Variants in SDK1 observed in about 807,000 individuals in gnomAD.
SDK1 encodes protein sidekick-1.
SDK1 carries 157 observed loss-of-function variants against 245.5 expected under a neutral mutation model. That is an observed-to-expected ratio of 0.64 (90% CI 0.56 to 0.73). SDK1 has a LOEUF of 0.73. Ranked by LOEUF, SDK1 falls within the 30% of genes least tolerant of loss-of-function variation. The pLI is 0.00. For synonymous variants in SDK1, 1,647 were observed against 1,278.5 expected (o/e 1.29, Z -6.15); for missense variants, 3,583 against 3,002.3 (o/e 1.19, Z -4.52).
chr7:3,821,447 C>T lies in SDK1; in HGVS notation c.714-3C>T. 1 of 1,612,010 alleles carries T rather than the reference C, an allele frequency of 6.2e-7. No homozygotes were observed. The highest frequency in any genetic ancestry group is 8.5e-7 in the Non-Finnish European group (1 of 1,179,252). ...GACACTGTCCTCTTCTTTTCTGAAA[C>T]AGAGCCATCACATTGGAGAATCAGC... On this transcript the variant is annotated splice_region_variant and splice_polypyrimidine_tract_variant and intron_variant, in intron 4 of 44. Coordinates refer to ENST00000404826, the MANE Select transcript of SDK1 (RefSeq NM_152744.4).
At chr7:3,796,971 C>CT (rs911867559) in intron 4 of SDK1, among the ~76,000 whole-genome samples, 23 of 150,878 alleles carry the variant, frequency 1.5e-4, no homozygotes, top group East Asian at 3.9e-4. Context: ...CATATATTTT[C>CT]TTTTTTTTTC....
At chr7:3,672,331 A>G (rs1454731816) in intron 4 of SDK1, among the ~76,000 whole-genome samples, 1 of 151,820 alleles carries the variant, frequency 6.6e-6, no homozygotes. Context: ...CATCTACCCT[A>G]CTGCACCCCC....
At chr7:3,402,156 T>C (rs1778905629) in intron 1 of SDK1, among the ~76,000 whole-genome samples, 1 of 152,164 alleles carries the variant, frequency 6.6e-6, no homozygotes, top group Non-Finnish European at 1.5e-5. Flanking sequence ...CAAAAAGAAC[T>C]TGAGAAAGCT....
chr7:3,904,886 G>A (rs113660263), intron 5 of SDK1, among the ~76,000 whole-genome samples: 1 of 151,768 alleles, frequency 6.6e-6, no homozygotes, highest in East Asian at 1.9e-4. Flanking sequence ...CCAGCTACTC[G>A]GGAGACTGAG....
chr7:3,805,968 C>T (rs1241827469), intron 4 of SDK1, among the ~76,000 whole-genome samples: 7 of 152,154 alleles, frequency 4.6e-5, no homozygotes, highest in Admixed American at 3.3e-4. Context: ...TTTCGTGCTT[C>T]TCTCCTCAGT....
At chr7:3,338,477 C>T (rs1044702178) in intron 1 of SDK1, 1 of 505,998 alleles carries the variant, frequency 2.0e-6, no homozygotes, top group Non-Finnish European at 3.8e-6. Context: ...AAGAAGGAAG[C>T]CAAAGAGAAA....
rs780705049 is a variant in SDK1, at chr7:3,977,491, G to T, written c.1994+2946G>T. On this transcript the variant is annotated intron_variant, in intron 13 of 44. Coordinates refer to ENST00000404826, the MANE Select transcript of SDK1 (RefSeq NM_152744.4). The stretch of plus-strand genomic sequence containing the variant: ...GGTTTCCCCCAGCCCCTGCCTTCAG[G>T]CATTGGAGCCTACGACCCTGGGTTC... 2.6e-4 allele frequency among the ~76,000 whole-genome samples: 40 copies of T among 152,342 alleles called. 1 individual carries two copies. Among genetic ancestry groups the T allele is most frequent in the Non-Finnish European group, 4.7e-4 (32 of 68,034 alleles).
intron 44 of SDK1, among the ~76,000 whole-genome samples, chr7:4,263,563 C>T (rs1231985022): frequency 1.0e-4 from 7 of 67,920 alleles, no homozygotes; most frequent in Non-Finnish European, 1.8e-4. Context: ...GGGGAGGCCG[C>T]GTAGACCTCT....
intron 4 of SDK1, among the ~76,000 whole-genome samples, chr7:3,665,874 G>A (rs997203474): frequency 2.6e-5 from 4 of 152,064 alleles, no homozygotes; most frequent in Non-Finnish European, 4.4e-5. Flanking sequence ...GATTGACTTA[G>A]TGATGAAGAT....
chr7:3,854,798 T>C (rs1342397902), intron 5 of SDK1, among the ~76,000 whole-genome samples: 1 of 152,060 alleles, frequency 6.6e-6, no homozygotes, highest in Non-Finnish European at 1.5e-5. Context: ...ACAAAAAAGA[T>C]AGGTACATAG....
intron 4 of SDK1, among the ~76,000 whole-genome samples, chr7:3,676,056 C>T (rs1346146393): frequency 6.6e-6 from 1 of 152,172 alleles, no homozygotes; most frequent in African/African-American, 2.4e-5. Context: ...GCCACAAACT[C>T]CCAGGCTCAA....
At chr7:3,448,191 T>C (rs1212129354) in intron 1 of SDK1, among the ~76,000 whole-genome samples, 2 of 152,222 alleles carry the variant, frequency 1.3e-5, no homozygotes, top group African/African-American at 2.4e-5. Flanking sequence ...CTAGGTGTTA[T>C]CACTCTTTAA....
chr7:3,883,803 G>T (rs1476991382), intron 5 of SDK1, among the ~76,000 whole-genome samples: 1 of 150,108 alleles, frequency 6.7e-6, no homozygotes, highest in East Asian at 2.0e-4. Context: ...CCTAGTTCTA[G>T]TCTCATCATT....
At position 3,528,605 on chromosome 7, in the gene SDK1, G is replaced by C. The variant is rs980272480; in HGVS notation, c.299-90475G>C. On this transcript the variant is annotated intron_variant, in intron 1 of 44. Coordinates refer to ENST00000404826, the MANE Select transcript of SDK1 (RefSeq NM_152744.4). Reference sequence around the variant, plus strand: ...GGATTGCAAGAGAGATCACGTAGGAGATTCTCATAACAATCTTTGTAAGTG... The same window carrying C: ...GGATTGCAAGAGAGATCACGTAGGACATTCTCATAACAATCTTTGTAAGTG... Among the ~76,000 whole-genome samples the C allele has an allele frequency of 6.6e-5, 10 of 152,234 alleles. No individual in the cohort carries two copies. The East Asian group carries it at 1.9e-3, about 29-fold the overall frequency.
chr7:4,265,659 C>G lies in SDK1; in HGVS notation c.*275C>G. Reference sequence around the variant, plus strand: ...TCACTGGTGCAATGGCTTGGCACCTCCGGGGCCTGGGAGGACCTCAGACCT... The same window carrying G: ...TCACTGGTGCAATGGCTTGGCACCTGCGGGGCCTGGGAGGACCTCAGACCT... On this transcript the variant is annotated 3_prime_UTR_variant, in exon 45 of 45. Coordinates refer to ENST00000404826, the MANE Select transcript of SDK1 (RefSeq NM_152744.4). The G allele has an allele frequency of 8.1e-7, 1 of 1,229,278 alleles. No individual in the cohort carries two copies. Among genetic ancestry groups the G allele is most frequent in the Non-Finnish European group, 1.0e-6 (1 of 988,332 alleles). 76.1% of individuals were successfully genotyped at this position (1,229,278 alleles called of 1,614,324 possible).
intron 5 of SDK1, among the ~76,000 whole-genome samples, chr7:3,898,950 A>G (rs933544968): frequency 1.3e-5 from 2 of 152,248 alleles, no homozygotes; most frequent in African/African-American, 2.4e-5. Flanking sequence ...ACAAATTATC[A>G]TAAATTCTAA....
chr7:3,646,318 A>G (rs1022486595), intron 4 of SDK1, among the ~76,000 whole-genome samples: 3 of 141,670 alleles, frequency 2.1e-5, no homozygotes, highest in African/African-American at 8.3e-5. Flanking sequence ...TAATTAAATG[A>G]TTTTTTTTTT....
chr7:4,235,547 G>A (rs1367523667), intron 41 of SDK1, among the ~76,000 whole-genome samples: 11 of 152,166 alleles, frequency 7.2e-5, no homozygotes. Context: ...TATTTTAAAT[G>A]TACCCCAAAG....
At chr7:3,654,312 A>C (rs1338320173) in intron 4 of SDK1, among the ~76,000 whole-genome samples, 1 of 152,128 alleles carries the variant, frequency 6.6e-6, no homozygotes, top group Non-Finnish European at 1.5e-5. Flanking sequence ...GTGTCCCTCA[A>C]CGTGAGTAAG....
Sources: allele counts gnomAD v4.1 joint callset (sites outside exome capture counted in the v4.1 genomes callset), GRCh38; gene constraint gnomAD v4.1.1; transcripts MANE v1.5; gene names NCBI Gene and HGNC (gene_info 2026-07-23, HGNC 2026-07-21).